RBM20: variants seen among roughly 807,000 people sequenced by gnomAD.
The protein encoded by RBM20 is RNA binding motif protein 20, also known as RNA-binding protein 20.
RBM20 carries 51 observed loss-of-function variants against 110.1 expected under a neutral mutation model. The observed-to-expected ratio is 0.46, with a 90% CI of 0.37 to 0.59. The LOEUF is 0.59. RBM20 is among the 20% of genes least tolerant of loss of function. RBM20 has a pLI of 0.00. For missense variants in RBM20, 1,512 were observed against 1,574.9 expected, an observed-to-expected ratio of 0.96 and a Z score of 0.68; for synonymous variants, 589 against 618.2, an observed-to-expected ratio of 0.95 and a Z score of 0.70.
intron 1 of RBM20, among the ~76,000 whole-genome samples, chr10:110,716,904 T>G (rs1863027242): frequency 7.4e-6 from 1 of 134,376 alleles, no homozygotes; most frequent in East Asian, 2.2e-4. Flanking sequence ...GTGACACAAC[T>G]CCGTCTCAAA....
intron 11 of RBM20, among the ~76,000 whole-genome samples, chr10:110,823,034 G>A (rs549681826): frequency 6.6e-6 from 1 of 152,244 alleles, no homozygotes; most frequent in Admixed American, 6.5e-5. Context: ...CCCAGTGTTT[G>A]GGGTTCATAT....
chr10:110,803,812 CAAAAAAAAA>C (rs58202648), intron 7 of RBM20, among the ~76,000 whole-genome samples: 4 of 57,186 alleles, frequency 7.0e-5, no homozygotes, highest in African/African-American at 1.4e-4. Flanking sequence ...TTGGCTTAAG[CAAAAAAAAA>C]AAAAAAAAAA....
chr10:110,822,540 G>T (rs1844928268), intron 11 of RBM20: 1 of 453,750 alleles, frequency 2.2e-6, no homozygotes, highest in Non-Finnish European at 4.4e-6. Flanking sequence ...TTTAAAATAG[G>T]CTAAGCCCCG....
intron 2 of RBM20, among the ~76,000 whole-genome samples, chr10:110,782,106 A>G (rs545318725): frequency 6.6e-6 from 1 of 152,348 alleles, no homozygotes; most frequent in Admixed American, 6.5e-5. Context: ...AAATTCTTAC[A>G]CACTTTTTCT....
In RBM20 at chr10:110,823,469, A is replaced by G. The variant is rs1398185643; in HGVS notation, c.3317-11A>G. On this transcript the variant is annotated splice_polypyrimidine_tract_variant and intron_variant, in intron 11 of 13. Transcript: ENST00000369519. ...TTTTTTTTTTTTTTTGCCTTGGTTCATGTTTTGCAGAAAACTCCAGGTACG... is the reference window on the plus strand; with the variant it reads ...TTTTTTTTTTTTTTTGCCTTGGTTCGTGTTTTGCAGAAAACTCCAGGTACG... 5.4e-6 allele frequency: 6 copies of G among 1,106,732 alleles called. No homozygotes were observed. Among genetic ancestry groups the G allele is most frequent in the Middle Eastern group, 2.4e-4 (1 of 4,116 alleles). The allele number at this position is 1,106,732 out of a possible 1,614,324, so 68.6% of individuals were successfully genotyped here. A position where few individuals can be genotyped will look rare whatever the true frequency, so the allele number is the denominator to read the frequency against.
intron 1 of RBM20, among the ~76,000 whole-genome samples, chr10:110,666,016 A>AGAGAGG (rs1294524998): frequency 1.3e-5 from 2 of 148,784 alleles, no homozygotes; most frequent in African/African-American, 5.0e-5. Context: ...AGAGAGAGAG[A>AGAGAGG]GGGGAAGGAA....
chr10:110,781,929 G>A (rs998660990), intron 2 of RBM20, 45 bp downstream of exon 2: 1 of 1,550,826 alleles, frequency 6.4e-7, no homozygotes, highest in Non-Finnish European at 8.7e-7. Context: ...AGAAGCCTGG[G>A]CAGGCCTTTC....
intron 1 of RBM20, among the ~76,000 whole-genome samples, chr10:110,688,223 GT>G (rs1200292342): frequency 1.3e-5 from 2 of 152,096 alleles, no homozygotes; most frequent in Admixed American, 6.5e-5. Context: ...TTTTCTTAAA[GT>G]TTTGAGCAAA....
intron 1 of RBM20, among the ~76,000 whole-genome samples, chr10:110,734,207 G>GGTCT (rs1426745109): frequency 5.3e-5 from 8 of 152,156 alleles, no homozygotes; most frequent in Non-Finnish European, 1.2e-4. Flanking sequence ...GTGATAAGAG[G>GGTCT]GTCTCATTTG....
intron 6 of RBM20, among the ~76,000 whole-genome samples, 179 bp from the exon 7 acceptor site, chr10:110,799,608 G>T (rs1844595341): frequency 6.6e-6 from 1 of 152,140 alleles, no homozygotes; most frequent in Non-Finnish European, 1.5e-5. Context: ...GTTTCCTTAT[G>T]CTTCTTCTCC....
At chr10:110,722,246 T>G (rs747423390) in intron 1 of RBM20, among the ~76,000 whole-genome samples, 3 of 152,214 alleles carry the variant, frequency 2.0e-5, no homozygotes, top group Non-Finnish European at 4.4e-5. Flanking sequence ...TTTAAATTAA[T>G]TTTTAAATAG....
At chr10:110,670,077 AT>A (rs142777684) in intron 1 of RBM20, among the ~76,000 whole-genome samples, 11,617 of 149,144 alleles carry the variant, frequency 0.078, 588 homozygotes, top group Non-Finnish European at 0.1. Context: ...TTTCCACCTT[AT>A]TTTTTTTTTG....
At chr10:110,835,834 G>A (rs538889656) in intron 13 of RBM20, 34 bp from the exon 14 acceptor site, 3 of 1,548,448 alleles carry the variant, frequency 1.9e-6, no homozygotes, top group Non-Finnish European at 2.6e-6. Context: ...CTACTAACAT[G>A]CCCCTTCCTC....
At chr10:110,777,545 C>T (rs1369688430) in intron 1 of RBM20, among the ~76,000 whole-genome samples, 1 of 152,152 alleles carries the variant, frequency 6.6e-6, no homozygotes, top group Non-Finnish European at 1.5e-5. Flanking sequence ...ATGAAAATTT[C>T]CTAGTCAAAG....
At chr10:110,734,616 C>G (rs1043780046) in intron 1 of RBM20, among the ~76,000 whole-genome samples, 1 of 124,812 alleles carries the variant, frequency 8.0e-6, no homozygotes, top group Non-Finnish European at 1.6e-5. Flanking sequence ...TAAAAATTCC[C>G]TCTTTTTTTT....
intron 1 of RBM20, among the ~76,000 whole-genome samples, chr10:110,707,789 G>A (rs1862864259): frequency 6.6e-6 from 1 of 152,164 alleles, no homozygotes; most frequent in Admixed American, 6.5e-5. Context: ...TGGTTAATGG[G>A]TACAAAATAT....
intron 1 of RBM20, among the ~76,000 whole-genome samples, chr10:110,649,694 C>G (rs543014825): frequency 6.6e-6 from 1 of 152,276 alleles, no homozygotes; most frequent in East Asian, 1.9e-4. Flanking sequence ...TGTGGATCTG[C>G]AGCTAGTGTG....
At chr10:110,835,080 T>G (rs1431997182) in intron 13 of RBM20, 4 of 152,246 alleles carry the variant, frequency 2.6e-5, no homozygotes, top group Admixed American at 6.5e-5. Flanking sequence ...CAGGCCGTGG[T>G]GCTGTTTTGC....
chr10:110,689,150 A>G (rs1205955682), intron 1 of RBM20, among the ~76,000 whole-genome samples: 2 of 152,250 alleles, frequency 1.3e-5, no homozygotes, highest in Non-Finnish European at 2.9e-5. Flanking sequence ...CTTGAAAACC[A>G]TCACCTGATA....
Sources: allele counts gnomAD v4.1 joint callset (sites outside exome capture counted in the v4.1 genomes callset), GRCh38; gene constraint gnomAD v4.1.1; transcripts MANE v1.5; gene names NCBI Gene and HGNC (gene_info 2026-07-23, HGNC 2026-07-21).